CACNA2D3: variants seen among roughly 807,000 people sequenced by gnomAD.
CACNA2D3 encodes the protein voltage-dependent calcium channel subunit alpha-2/delta-3.
Under a neutral mutation model 160.6 loss-of-function variants are expected in CACNA2D3, and 60 were observed. That is an observed-to-expected ratio of 0.37 (90% CI 0.30 to 0.46). The LOEUF is 0.46. Ranked by LOEUF, CACNA2D3 falls within the 20% of genes least tolerant of loss-of-function variation. The probability of loss-of-function intolerance (pLI) is 1.00; values close to 1 mark genes in which losing one functional copy is unlikely to be tolerated. For missense variants in CACNA2D3, 1,205 were observed against 1,365.0 expected, an observed-to-expected ratio of 0.88 and a Z score of 1.85; for synonymous variants, 558 against 492.9, an observed-to-expected ratio of 1.13 and a Z score of -1.75.
chr3:54,883,430 G>A (rs1343937650), intron 21 of CACNA2D3, among the ~76,000 whole-genome samples: 1 of 152,122 alleles, frequency 6.6e-6, no homozygotes, highest in African/African-American at 2.4e-5. Context: ...TTTATCAGAA[G>A]GACCAATGTC....
intron 13 of CACNA2D3, among the ~76,000 whole-genome samples, chr3:54,780,369 C>A (rs185750786): frequency 3.8e-4 from 58 of 152,278 alleles, no homozygotes; most frequent in Middle Eastern, 3.4e-3. Flanking sequence ...GTGCATGTTG[C>A]TAAATGCAAT....
intron 27 of CACNA2D3, among the ~76,000 whole-genome samples, chr3:54,942,438 T>C (rs2106988468): frequency 6.6e-6 from 1 of 152,292 alleles, no homozygotes; most frequent in South Asian, 2.1e-4. Context: ...AAGAGGGAAA[T>C]AGTTTTAGGC....
chr3:54,259,496 C>G (rs931469020), intron 2 of CACNA2D3, among the ~76,000 whole-genome samples: 1 of 152,182 alleles, frequency 6.6e-6, no homozygotes, highest in Non-Finnish European at 1.5e-5. Context: ...TTAAGCCACA[C>G]TGGTGAGATT....
intron 4 of CACNA2D3, among the ~76,000 whole-genome samples, chr3:54,407,366 A>G (rs1253602317): frequency 6.6e-6 from 1 of 152,286 alleles, no homozygotes; most frequent in African/African-American, 2.4e-5. Flanking sequence ...AACCACCCCC[A>G]CAGTCATCTA....
Position 54,672,890 on chromosome 3 carries a change from A to C in CACNA2D3, c.1167+30649A>C, listed in dbSNP as rs569822013. Among the ~76,000 whole-genome samples the C allele has an allele frequency of 2.0e-5, 3 of 152,214 alleles. No individual in the cohort carries two copies. The South Asian group carries it at 6.2e-4, about 32-fold the overall frequency. On this transcript the variant is annotated intron_variant, in intron 11 of 37. Coordinates refer to ENST00000474759, the MANE Select transcript of CACNA2D3 (RefSeq NM_018398.3). ...CTCAAGAGATGACAGTGTGATACCA[A>C]TGACAACGATTGTGATGATGATAAT... is the stretch of plus-strand genomic sequence containing the variant.
At chr3:54,666,502 A>G (rs1424563454) in intron 11 of CACNA2D3, among the ~76,000 whole-genome samples, 1 of 152,154 alleles carries the variant, frequency 6.6e-6, no homozygotes, top group African/African-American at 2.4e-5. Context: ...CAGTTTCTAT[A>G]TTTAAAAATG....
intron 35 of CACNA2D3, among the ~76,000 whole-genome samples, chr3:55,070,038 T>G (rs1176683517): frequency 6.6e-6 from 1 of 152,218 alleles, no homozygotes; most frequent in African/African-American, 2.4e-5. Flanking sequence ...TCATTTCAAG[T>G]TCTGTCACTG....
chr3:54,425,382 G>A (rs1229702228), intron 4 of CACNA2D3, among the ~76,000 whole-genome samples: 1 of 152,132 alleles, frequency 6.6e-6, no homozygotes, highest in Non-Finnish European at 1.5e-5. Context: ...AATTTCAAAG[G>A]CCAGGTAGCC....
intron 10 of CACNA2D3, chr3:54,632,239 G>A (rs1450253010): frequency 6.6e-6 from 1 of 152,196 alleles, no homozygotes; most frequent in Non-Finnish European, 1.5e-5. Flanking sequence ...TAAATAAACA[G>A]CTCCTGGCAG....
rs1699637554 is a variant in CACNA2D3, at chr3:54,646,157, TCC to T, written c.1167+3918_1167+3919del. Among the ~76,000 whole-genome samples the T allele has an allele frequency of 8.3e-4, 11 of 13,188 alleles. 2 individuals are homozygous for T. The highest frequency in any genetic ancestry group is 2.5e-3 in the African/African-American group (10 of 4,042). 8.7% of individuals were successfully genotyped at this position (13,188 alleles called of 152,430 possible). ...TTCCTTCCTTCCTTCCTTCCCTCCC[TCC>T]CTCCCTCCCTCCCTCCCTCCCTCCC... is the stretch of plus-strand genomic sequence containing the variant. On this transcript the variant is annotated intron_variant, in intron 11 of 37. Coordinates refer to ENST00000474759, the MANE Select transcript of CACNA2D3 (RefSeq NM_018398.3).
intron 10 of CACNA2D3, among the ~76,000 whole-genome samples, chr3:54,637,361 C>T (rs927924434): frequency 4.0e-5 from 6 of 151,582 alleles, no homozygotes; most frequent in South Asian, 2.1e-4. Context: ...AAGAGGAGGA[C>T]GCAAAGGAGG....
chr3:54,985,458 C>T (rs1470244451), intron 30 of CACNA2D3, among the ~76,000 whole-genome samples: 1 of 152,152 alleles, frequency 6.6e-6, no homozygotes, highest in Non-Finnish European at 1.5e-5. Context: ...TTCAACAGTG[C>T]ATATAATAAA....
intron 8 of CACNA2D3, among the ~76,000 whole-genome samples, chr3:54,578,702 G>A (rs543077316): frequency 6.6e-6 from 1 of 152,352 alleles, no homozygotes; most frequent in Non-Finnish European, 1.5e-5. Flanking sequence ...AGCTGGCTGG[G>A]ATTCTGAAGA....
chr3:54,839,130 C>T (rs1194155679), intron 16 of CACNA2D3, among the ~76,000 whole-genome samples: 6 of 152,198 alleles, frequency 3.9e-5, no homozygotes, highest in South Asian at 4.2e-4. Context: ...TGATGGCAGG[C>T]GCCTGTAGTC....
chr3:54,473,743 C>G (rs1700778063), intron 4 of CACNA2D3, among the ~76,000 whole-genome samples: 1 of 152,144 alleles, frequency 6.6e-6, no homozygotes, highest in Admixed American at 6.5e-5. Flanking sequence ...AGACACTTCT[C>G]AAAAGAAGAC....
chr3:54,344,916 C>T (rs1286159296), intron 3 of CACNA2D3, among the ~76,000 whole-genome samples: 1 of 152,168 alleles, frequency 6.6e-6, no homozygotes. Flanking sequence ...AAGGAGCCAG[C>T]CAAAACCCAC....
At chr3:54,876,723 T>C (rs1401718299) in intron 18 of CACNA2D3, among the ~76,000 whole-genome samples, 1 of 152,210 alleles carries the variant, frequency 6.6e-6, no homozygotes, top group African/African-American at 2.4e-5. Context: ...AAAATGGAGA[T>C]AATAACAGCA....
At position 55,004,858 on chromosome 3, in the gene CACNA2D3, T is replaced by A; in HGVS notation, c.2766+20T>A. The A allele has an allele frequency of 6.4e-7, 1 of 1,569,816 alleles. No homozygotes were observed. The highest frequency in any genetic ancestry group is 8.8e-7 in the Non-Finnish European group (1 of 1,140,298). The stretch of plus-strand genomic sequence containing the variant: ...CTGGATGTAAGTACTATGCTGTCAC[T>A]CAGAAAACAGCCACACATTTCTGTC... On this transcript the variant is annotated intron_variant, in intron 32 of 37. Transcript: ENST00000474759.
intron 2 of CACNA2D3, among the ~76,000 whole-genome samples, chr3:54,202,323 G>A (rs1214612322): frequency 2.0e-5 from 3 of 152,236 alleles, no homozygotes; most frequent in Non-Finnish European, 2.9e-5. Context: ...GCACCTCTGT[G>A]TCCTAAGCCT....
Sources: gnomAD v4.1 joint callset for allele counts (sites outside exome capture counted in the v4.1 genomes callset) on GRCh38, gnomAD v4.1.1 for gene constraint, MANE v1.5 for transcripts, NCBI Gene and HGNC (gene_info 2026-07-23, HGNC 2026-07-21) for gene names.